ENPP3: variants seen among roughly 807,000 people sequenced by gnomAD.
ENPP3 encodes the protein ectonucleotide pyrophosphatase/phosphodiesterase 3, also known as ectonucleotide pyrophosphatase/phosphodiesterase family member 3.
A neutral mutation model predicts 117.8 loss-of-function variants in ENPP3; 104 were observed. The observed-to-expected ratio is 0.88, with a 90% CI of 0.75 to 1.04. The LOEUF is 1.04. ENPP3 is among the 50% of genes least tolerant of loss of function. ENPP3 has a pLI of 0.00. For synonymous variants in ENPP3, 380 were observed against 349.9 expected (o/e 1.09, Z -0.96); for missense variants, 1,026 against 1,051.9 (o/e 0.98, Z 0.34).
intron 22 of ENPP3, 66 bp downstream of exon 22, chr6:131,737,498 C>T (rs1371282583): frequency 2.2e-6 from 2 of 909,818 alleles, no homozygotes; most frequent in Admixed American, 4.2e-5. Context: ...CCAAACTAAA[C>T]ACATATTTTT....
chr6:131,693,456 A>T (rs761602031), intron 14 of ENPP3, 41 bp from the exon 15 acceptor site: 2 of 1,550,158 alleles, frequency 1.3e-6, no homozygotes, highest in Admixed American at 3.9e-5. Context: ...ATTAATTTGC[A>T]TATCTTATGT....
chr6:131,674,518 G>T, intron 8 of ENPP3: 1 of 507,312 alleles, frequency 2.0e-6, no homozygotes, highest in African/African-American at 2.0e-5. Context: ...CCATCTGGAA[G>T]TTACTCAGAA....
At chr6:131,714,816 T>C (rs1343406640) in intron 15 of ENPP3, among the ~76,000 whole-genome samples, 4 of 150,918 alleles carry the variant, frequency 2.7e-5, no homozygotes, top group African/African-American at 7.4e-5. Flanking sequence ...TAGGTTGACA[T>C]CTTGTTTCGG....
chr6:131,731,594 G>A (rs531609209), intron 20 of ENPP3, among the ~76,000 whole-genome samples: 8 of 152,304 alleles, frequency 5.3e-5, no homozygotes, highest in African/African-American at 1.9e-4. Context: ...TCTCCAGAGA[G>A]TAAACATACT....
At chr6:131,743,961 A>G (rs1372648903) in intron 24 of ENPP3, among the ~76,000 whole-genome samples, 2 of 152,214 alleles carry the variant, frequency 1.3e-5, no homozygotes, top group African/African-American at 2.4e-5. Flanking sequence ...AATATTTCCA[A>G]TAGCATTTGG....
chr6:131,679,809 T>TA (rs1778984627), intron 11 of ENPP3, among the ~76,000 whole-genome samples: 1 of 152,152 alleles, frequency 6.6e-6, no homozygotes, highest in East Asian at 1.9e-4. Flanking sequence ...GCTCAGCAAG[T>TA]AGACAGCGTG....
intron 8 of ENPP3, among the ~76,000 whole-genome samples, 189 bp from the exon 9 acceptor site, chr6:131,674,891 C>A (rs1211371186): frequency 6.6e-6 from 1 of 151,964 alleles, no homozygotes; most frequent in East Asian, 1.9e-4. Flanking sequence ...CCAATTTTAC[C>A]AGTTTGATTG....
rs113023434 is a variant in ENPP3 at position 131,678,314 on chromosome 6, T to C, written c.1011+374T>C. On this transcript the variant is annotated intron_variant, in intron 11 of 24. Transcript: ENST00000357639. The stretch of plus-strand genomic sequence containing the variant: ...AGTCACCTGCAAGTCCACTGTGGTA[T>C]ATCCGGCTGTCTACTCCCCGACAGT... Among the ~76,000 whole-genome samples, 426 of 152,376 alleles carry C rather than the reference T, an allele frequency of 2.8e-3. 4 individuals are homozygous for C. Among genetic ancestry groups the C allele is most frequent in the African/African-American group, 9.9e-3 (411 of 41,598 alleles).
intron 15 of ENPP3, among the ~76,000 whole-genome samples, chr6:131,694,584 T>C (rs1408290448): frequency 1.3e-5 from 2 of 151,924 alleles, no homozygotes; most frequent in African/African-American, 4.8e-5. Context: ...AAAAAGGAGA[T>C]GACACTTTGG....
chr6:131,668,206 GTTTTTTT>G (rs557047103), intron 6 of ENPP3, among the ~76,000 whole-genome samples: 1 of 69,906 alleles, frequency 1.4e-5, no homozygotes, highest in African/African-American at 6.2e-5. Flanking sequence ...CTCGCTCTGC[GTTTTTTT>G]TTTTTTTTTT....
chr6:131,644,230 A>T (rs749023971), intron 2 of ENPP3, among the ~76,000 whole-genome samples: 4 of 152,252 alleles, frequency 2.6e-5, no homozygotes, highest in Non-Finnish European at 5.9e-5. Context: ...CTGGTCTTCA[A>T]CTTTCATTCT....
At position 131,717,357 on chromosome 6, in the gene ENPP3, T is replaced by G. The variant is rs1358898893; in HGVS notation, c.1413-1315T>G. On this transcript the variant is annotated intron_variant, in intron 15 of 24. Transcript: ENST00000357639. ...AAACAGAAACCCTGCGGGGGGTGTG[T>G]GTGTGTGTGTGTGTGTGTGTGTGTG... Among the ~76,000 whole-genome samples, 148 of 31,602 alleles carry G rather than the reference T, an allele frequency of 4.7e-3. 3 individuals are homozygous for G. Among genetic ancestry groups the G allele is most frequent in the Non-Finnish European group, 6.0e-3 (118 of 19,698 alleles). The allele number at this position is 31,602 out of a possible 152,430, so 20.7% of individuals were successfully genotyped here. A position where few individuals can be genotyped will look rare whatever the true frequency, so the allele number is the denominator to read the frequency against.
At chr6:131,653,937 C>A (rs1778320398) in intron 5 of ENPP3, among the ~76,000 whole-genome samples, 1 of 152,002 alleles carries the variant, frequency 6.6e-6, no homozygotes, top group South Asian at 2.1e-4. Flanking sequence ...CTGCCAGGGC[C>A]TGGAAATGTG....
chr6:131,666,928 C>T (rs1778628879), intron 6 of ENPP3, among the ~76,000 whole-genome samples: 1 of 152,142 alleles, frequency 6.6e-6, no homozygotes, highest in Non-Finnish European at 1.5e-5. Context: ...CTAGTCCAGC[C>T]TTGTTTCTTT....
chr6:131,717,778 T>C (rs974720823), intron 15 of ENPP3, among the ~76,000 whole-genome samples: 2 of 152,184 alleles, frequency 1.3e-5, no homozygotes, highest in African/African-American at 4.8e-5. Context: ...AGTACAGTTA[T>C]GTGTTGTATA....
intron 14 of ENPP3, among the ~76,000 whole-genome samples, chr6:131,687,700 A>G (rs1419815365): frequency 6.6e-6 from 1 of 152,250 alleles, no homozygotes; most frequent in Non-Finnish European, 1.5e-5. Context: ...AAATGAACAG[A>G]CACTTCTCAA....
rs542975463 is a variant in ENPP3, at chr6:131,682,699, C to A, written c.1012-355C>A. On this transcript the variant is annotated intron_variant, in intron 11 of 24. Coordinates refer to ENST00000357639, the MANE Select transcript of ENPP3 (RefSeq NM_005021.5). ...ACATGACCCTCTGGAATGTATGTGA[C>A]CCTTAGGCTGTCTTAGAAGTATCTG... Among the ~76,000 whole-genome samples the A allele has an allele frequency of 1.1e-3, 167 of 152,172 alleles. 1 individual carries two copies. The highest frequency in any genetic ancestry group is 2.2e-3 in the Non-Finnish European group (147 of 67,998).
intron 15 of ENPP3, chr6:131,710,010 G>A: frequency 6.2e-7 from 1 of 1,605,438 alleles, no homozygotes; most frequent in Middle Eastern, 2.3e-4. Flanking sequence ...TAATAATGTG[G>A]TTTCTTTCTC....
chr6:131,713,293 G>T (rs1157076822), intron 15 of ENPP3, among the ~76,000 whole-genome samples: 1 of 150,236 alleles, frequency 6.7e-6, no homozygotes, highest in Non-Finnish European at 1.5e-5. Flanking sequence ...GTCTTTATTA[G>T]CAGCATGAGA....
Sources: allele counts gnomAD v4.1 joint callset (sites outside exome capture counted in the v4.1 genomes callset), GRCh38; gene constraint gnomAD v4.1.1; transcripts MANE v1.5; gene names NCBI Gene and HGNC (gene_info 2026-07-23, HGNC 2026-07-21).